Variants in KIN observed in about 807,000 individuals in gnomAD.
KIN encodes the protein DNA/RNA-binding protein KIN17.
A neutral mutation model predicts 63.0 loss-of-function variants in KIN; 47 were observed. The ratio of observed to expected loss-of-function variants is 0.75; its 90% CI spans 0.59 to 0.95. The LOEUF is 0.95. Ranked by LOEUF, KIN falls within the 40% of genes least tolerant of loss-of-function variation. KIN has a pLI of 0.00. For missense variants in KIN, 408 were observed against 460.9 expected (o/e 0.89, Z 1.05); for synonymous variants, 160 against 157.7 (o/e 1.01, Z -0.11).
rs1835454018 is a variant in KIN at position 7,762,445 on chromosome 10, A to G, written c.1018+12T>C. 11 of 1,538,892 alleles carry G rather than the reference A, an allele frequency of 7.1e-6. No individual in the cohort carries two copies. The highest frequency in any genetic ancestry group is 1.4e-5 in the African/African-American group (1 of 73,342). ...ATGGCATATGTATTAAATGGTCTGC[A>G]AACAGATTTACCTGGTGCTGGAATT... On this transcript the variant is annotated intron_variant, in intron 11 of 12. Transcript: ENST00000379562.
intron 8 of KIN, among the ~76,000 whole-genome samples, chr10:7,766,629 C>T (rs528296284): frequency 1.3e-5 from 2 of 151,740 alleles, no homozygotes; most frequent in East Asian, 1.9e-4. Context: ...GGCTGTATGG[C>T]GAAAATATCG....
intron 1 of KIN, among the ~76,000 whole-genome samples, chr10:7,786,790 G>A (rs1836021092): frequency 6.6e-6 from 1 of 152,090 alleles, no homozygotes; most frequent in Non-Finnish European, 1.5e-5. Context: ...CCAGTCTACT[G>A]CACTTTATAT....
chr10:7,761,854 T>G (rs761931766), intron 11 of KIN, among the ~76,000 whole-genome samples: 1 of 151,880 alleles, frequency 6.6e-6, no homozygotes, highest in Non-Finnish European at 1.5e-5. Flanking sequence ...ATACAAAAAT[T>G]AGCCAGATGT....
intron 12 of KIN, among the ~76,000 whole-genome samples, chr10:7,758,078 CTTT>C (rs200701372): frequency 2.2e-5 from 3 of 134,722 alleles, no homozygotes; most frequent in Non-Finnish European, 3.1e-5. Context: ...GACAGATTCC[CTTT>C]TTTTTTTTTT....
Position 7,787,928 on chromosome 10 carries a change from C to T in KIN, c.6G>A (p.Gly2=). 2 of 1,610,394 alleles carry T rather than the reference C, an allele frequency of 1.2e-6. No homozygotes were observed. M[G]KSDFLTPKAI... ...CCTTGGGAGTAAGAAAATCCGACTT[C>T]CCCATGGCGACCACGGCAGCGATCA... The change falls in exon 1 of 13, where the codon GGG becomes GGA. Residue 2 remains glycine, a synonymous_variant. Coordinates refer to ENST00000379562, the MANE Select transcript of KIN (RefSeq NM_012311.4).
intron 8 of KIN, chr10:7,766,330 A>G (rs1047575750): frequency 6.0e-5 from 24 of 402,454 alleles, no homozygotes; most frequent in African/African-American, 4.8e-4. Context: ...AAGCAAGTCA[A>G]CTGACCTAGG....
intron 9 of KIN, 95 bp from the exon 10 acceptor site, chr10:7,763,886 G>T: frequency 1.6e-6 from 1 of 617,636 alleles, no homozygotes; most frequent in Non-Finnish European, 2.8e-6. Flanking sequence ...CAAAACCACA[G>T]GAAAATGTAA....
intron 7 of KIN, among the ~76,000 whole-genome samples, chr10:7,772,307 G>A (rs114982439): frequency 0.04 from 6,050 of 152,244 alleles, 147 homozygotes; most frequent in South Asian, 0.059. Flanking sequence ...TGAGACAGGG[G>A]TAAGGCAGAG....
At chr10:7,784,169 G>C (rs4749247) in intron 1 of KIN, among the ~76,000 whole-genome samples, 52,622 of 152,050 alleles carry the variant, frequency 0.35, 10,141 homozygotes, top group Non-Finnish European at 0.44. Context: ...AGAAACCCAG[G>C]AGTAGATTGG....
At chr10:7,774,004 A>C (rs1257055921) in intron 7 of KIN, among the ~76,000 whole-genome samples, 1 of 152,262 alleles carries the variant, frequency 6.6e-6, no homozygotes, top group Admixed American at 6.5e-5. Context: ...CCTAAGGGCC[A>C]AATGCCAGCT....
At chr10:7,763,636 G>C (rs1186561278) in intron 10 of KIN, 87 bp downstream of exon 10, 3 of 732,154 alleles carry the variant, frequency 4.1e-6, no homozygotes, top group Non-Finnish European at 7.2e-6. Context: ...CTGCTACTAG[G>C]ACTTGATTTT....
chr10:7,779,123 T>A, intron 4 of KIN, 104 bp from the exon 5 acceptor site: 2 of 1,335,686 alleles, frequency 1.5e-6, no homozygotes, highest in Non-Finnish European at 2.1e-6. Flanking sequence ...CACACACAAA[T>A]CAGGCCGAGC....
intron 10 of KIN, among the ~76,000 whole-genome samples, chr10:7,763,032 G>T (rs1048530471): frequency 2.6e-5 from 4 of 152,054 alleles, no homozygotes; most frequent in African/African-American, 9.7e-5. Context: ...GAGGCAGGTA[G>T]ATCACCTGAG....
At chr10:7,758,021 T>C (rs1299082945) in intron 12 of KIN, among the ~76,000 whole-genome samples, 2 of 151,878 alleles carry the variant, frequency 1.3e-5, no homozygotes, top group Non-Finnish European at 2.9e-5. Context: ...TTTTTTTTTT[T>C]TTTTTAATGA....
At chr10:7,757,198 T>C (rs1271491165) in intron 12 of KIN, among the ~76,000 whole-genome samples, 1 of 152,232 alleles carries the variant, frequency 6.6e-6, no homozygotes, top group African/African-American at 2.4e-5. Context: ...TTTAATCTTT[T>C]GTTTAAAATT....
chr10:7,775,667 GAT>G lies in KIN; in HGVS notation c.607+82_607+83del. 5 of 666,296 alleles carry G rather than the reference GAT, an allele frequency of 7.5e-6. No individual in the cohort carries two copies. In the South Asian group the frequency reaches 9.7e-5, roughly 13 times the overall value. The allele number at this position is 666,296 out of a possible 1,614,324, so 41.3% of individuals were successfully genotyped here. ...AGACACATTCGATGTCTTATTCTCA[GAT>G]ATGTTGACAAGTTGCATTTTTAACA... On this transcript the variant is annotated intron_variant, in intron 6 of 12. Coordinates refer to ENST00000379562, the MANE Select transcript of KIN (RefSeq NM_012311.4).
In KIN at chr10:7,755,482, G is replaced by C. The variant is rs1835316044; in HGVS notation, c.*598C>G. On this transcript the variant is annotated 3_prime_UTR_variant, in exon 13 of 13. Coordinates refer to ENST00000379562, the MANE Select transcript of KIN (RefSeq NM_012311.4). Reference sequence around the variant, plus strand: ...CAGAAAGTACATTAGTGGCTGTCTAGGGCTAGGGCAGAGGGGAAAAATAGC... The same window carrying C: ...CAGAAAGTACATTAGTGGCTGTCTACGGCTAGGGCAGAGGGGAAAAATAGC... The C allele has an allele frequency of 6.6e-6, 1 of 152,218 alleles. No individual in the cohort carries two copies. The highest frequency in any genetic ancestry group is 2.4e-5 in the African/African-American group (1 of 41,458). The allele number at this position is 152,218 out of a possible 1,614,324, so 9.4% of individuals were successfully genotyped here. A position where few individuals can be genotyped will look rare whatever the true frequency, so the allele number is the denominator to read the frequency against.
intron 12 of KIN, among the ~76,000 whole-genome samples, chr10:7,758,545 C>T (rs1450975990): frequency 1.3e-5 from 2 of 151,950 alleles, no homozygotes; most frequent in African/African-American, 2.4e-5. Flanking sequence ...CCAAAGGTAT[C>T]GAGATGGAAC....
intron 7 of KIN, among the ~76,000 whole-genome samples, chr10:7,774,314 T>C (rs1835724725): frequency 6.6e-6 from 1 of 152,118 alleles, no homozygotes; most frequent in Admixed American, 6.5e-5. Context: ...AAACTCACAA[T>C]GCAGCAAGTA....
Sources: gnomAD v4.1 joint callset for allele counts (sites outside exome capture counted in the v4.1 genomes callset) on GRCh38, gnomAD v4.1.1 for gene constraint, MANE v1.5 for transcripts, NCBI Gene and HGNC (gene_info 2026-07-23, HGNC 2026-07-21) for gene names.